The following TTC6 variants were observed in gnomAD, a reference collection of about 807,000 sequenced individuals.
TTC6 encodes tetratricopeptide repeat domain 6.
Under a neutral mutation model 210.4 loss-of-function variants are expected in TTC6, and 172 were observed. The observed-to-expected ratio is 0.82, with a 90% CI of 0.72 to 0.93. TTC6 has a LOEUF of 0.93. Among genes scored for constraint, TTC6 ranks in the 40% least tolerant of loss-of-function variants. TTC6 has a pLI of 0.00. For synonymous variants in TTC6, 804 were observed against 819.6 expected, an observed-to-expected ratio of 0.98 and a Z score of 0.32; for missense variants, 2,414 against 2,318.1, an observed-to-expected ratio of 1.04 and a Z score of -0.85.
chr14:37,758,858 G>C (rs1010229745), intron 14 of TTC6, among the ~76,000 whole-genome samples: 2 of 152,090 alleles, frequency 1.3e-5, no homozygotes, highest in African/African-American at 4.8e-5. Flanking sequence ...GCTTCCTTCA[G>C]GAGCTCTTGT....
In TTC6 at chr14:37,672,821, A is replaced by ATTT. The variant is rs377117749; in HGVS notation, c.940-7313_940-7311dup. Among the ~76,000 whole-genome samples, 606 of 128,984 alleles carry ATTT rather than the reference A, an allele frequency of 4.7e-3. 4 individuals carry two copies. Among genetic ancestry groups the ATTT allele is most frequent in the Middle Eastern group, 0.018 (4 of 226 alleles). The allele number at this position is 128,984 out of a possible 152,430, so 84.6% of individuals were successfully genotyped here. A position where few individuals can be genotyped will look rare whatever the true frequency, so the allele number is the denominator to read the frequency against. On this transcript the variant is annotated intron_variant, in intron 1 of 30. Coordinates refer to ENST00000553443, the Ensembl canonical transcript of TTC6. ...TAAGCAAGCTTTTCATGAATTCCTC[A>ATTT]TTTTTTTTTTTTTTTTTTTACTAAA...
At chr14:37,702,132 C>T (rs1352699916) in intron 5 of TTC6, among the ~76,000 whole-genome samples, 1 of 152,138 alleles carries the variant, frequency 6.6e-6, no homozygotes, top group African/African-American at 2.4e-5. Context: ...GTGCTGTGTG[C>T]TTTGCATATG....
At chr14:37,802,228 G>A (rs1395020902) in intron 20 of TTC6, 6 of 152,086 alleles carry the variant, frequency 3.9e-5, no homozygotes, top group Admixed American at 3.9e-4. Context: ...ACACACTGGG[G>A]CCTGTAGGAA....
intron 1 of TTC6, among the ~76,000 whole-genome samples, chr14:37,669,996 A>G (rs1322368076): frequency 6.6e-6 from 1 of 152,196 alleles, no homozygotes; most frequent in African/African-American, 2.4e-5. Context: ...GGAATTTAGT[A>G]TGGAGAAGAG....
At chr14:37,723,300 G>A (rs2095865408) in intron 6 of TTC6, among the ~76,000 whole-genome samples, 1 of 152,146 alleles carries the variant, frequency 6.6e-6, no homozygotes, top group Non-Finnish European at 1.5e-5. Flanking sequence ...CTAAGATCCA[G>A]GCAGTAGGTG....
At position 37,675,243 on chromosome 14, in the gene TTC6, A is replaced by T. The variant is rs549208433; in HGVS notation, c.940-4908A>T. Among the ~76,000 whole-genome samples the T allele has an allele frequency of 2.6e-5, 4 of 152,178 alleles. No individual in the cohort carries two copies. In the South Asian group the frequency reaches 8.3e-4, roughly 32 times the overall value. The stretch of plus-strand genomic sequence containing the variant: ...TCATTCGCCATTCCCTATACCCCAC[A>T]GGCCCTGGCAACAACAAGTTGGCTT... On this transcript the variant is annotated intron_variant, in intron 1 of 30. Coordinates refer to ENST00000553443, the Ensembl canonical transcript of TTC6.
intron 3 of TTC6, among the ~76,000 whole-genome samples, chr14:37,690,355 G>T (rs1595109526): frequency 6.6e-6 from 1 of 151,550 alleles, no homozygotes; most frequent in East Asian, 1.9e-4. Context: ...TAACAAAATG[G>T]CAAGAGAAAG....
At chr14:37,600,090 G>A (rs2095612775) in intron 1 of TTC6, among the ~76,000 whole-genome samples, 1 of 152,158 alleles carries the variant, frequency 6.6e-6, no homozygotes, top group Non-Finnish European at 1.5e-5. Flanking sequence ...GGAGGGACTG[G>A]CAATGCACGC....
upstream of TTC6, among the ~76,000 whole-genome samples, chr14:37,618,461 A>T (rs2095646233): frequency 6.6e-6 from 1 of 152,230 alleles, no homozygotes; most frequent in Non-Finnish European, 1.5e-5. Context: ...TTGACACATC[A>T]TGTAGATGAA....
At chr14:37,776,326 G>A (rs2096037489) in intron 14 of TTC6, among the ~76,000 whole-genome samples, 1 of 152,116 alleles carries the variant, frequency 6.6e-6, no homozygotes, top group Non-Finnish European at 1.5e-5. Flanking sequence ...CAAGGTTAGT[G>A]TTGATGTGTG....
chr14:37,816,848 T>G (rs2096143177), intron 25 of TTC6, among the ~76,000 whole-genome samples: 1 of 152,188 alleles, frequency 6.6e-6, no homozygotes, highest in Non-Finnish European at 1.5e-5. Context: ...GCCATGAGCT[T>G]CAGACACTGT....
chr14:37,748,696 A>AT (rs750041273), intron 10 of TTC6, among the ~76,000 whole-genome samples: 9 of 152,078 alleles, frequency 5.9e-5, no homozygotes, highest in Admixed American at 1.3e-4. Context: ...CATTGACCTC[A>AT]TTTTTTTAGT....
At chr14:37,622,887 A>G (rs2095654136) in exon 1 of TTC6, 3 of 1,534,948 alleles carry the variant, frequency 2.0e-6, no homozygotes, top group Non-Finnish European at 2.6e-6. Context: ...CGTGATCCCC[A>G]CGTCCATCGA....
At chr14:37,611,100 GC>G (rs1353474088) in intron 2 of TTC6, among the ~76,000 whole-genome samples, 1 of 152,240 alleles carries the variant, frequency 6.6e-6, no homozygotes, top group Non-Finnish European at 1.5e-5. Context: ...GTCCGAGGCT[GC>G]CCCGGAGCGG....
chr14:37,608,007 A>G (rs2095628194), intron 2 of TTC6, among the ~76,000 whole-genome samples: 1 of 152,132 alleles, frequency 6.6e-6, no homozygotes. Flanking sequence ...TGTATTTATG[A>G]GATTAGTTGA....
At chr14:37,745,166 G>A (rs987819968) in intron 10 of TTC6, among the ~76,000 whole-genome samples, 21 of 152,142 alleles carry the variant, frequency 1.4e-4, no homozygotes, top group African/African-American at 5.1e-4. Flanking sequence ...AAGAAAGCAT[G>A]TCAGGTCAAC....
At chr14:37,697,311 T>A (rs1241814799) in intron 4 of TTC6, among the ~76,000 whole-genome samples, 1 of 152,122 alleles carries the variant, frequency 6.6e-6, no homozygotes, top group Non-Finnish European at 1.5e-5. Context: ...ATCCATAATT[T>A]TAATGGAGTT....
intron 29 of TTC6, among the ~76,000 whole-genome samples, chr14:37,834,141 A>G (rs2096192374): frequency 6.6e-6 from 1 of 152,138 alleles, no homozygotes; most frequent in South Asian, 2.1e-4. Flanking sequence ...GACTTTTGAC[A>G]GTTTGATGAT....
At chr14:37,738,926 G>A (rs1173317608) in exon 10 of TTC6, 1 of 1,535,250 alleles carries the variant, frequency 6.5e-7, no homozygotes, top group Non-Finnish European at 8.7e-7. Context: ...AAATAAAACT[G>A]AGGAGCCCAA....
Sources: gnomAD v4.1 joint callset for allele counts (sites outside exome capture counted in the v4.1 genomes callset) on GRCh38, gnomAD v4.1.1 for gene constraint, MANE v1.5 for transcripts, NCBI Gene and HGNC (gene_info 2026-07-23, HGNC 2026-07-21) for gene names.